Variants in TMEM74 observed in about 807,000 individuals in gnomAD.
The protein encoded by TMEM74 is transmembrane protein 74.
A neutral mutation model predicts 18.1 loss-of-function variants in TMEM74; 13 were observed. That is an observed-to-expected ratio of 0.72 (90% CI 0.47 to 1.14). TMEM74 has a LOEUF of 1.14. Ranked by LOEUF, TMEM74 falls within the 50% of genes most tolerant of loss-of-function variation. The probability of loss-of-function intolerance (pLI) is 0.00; values close to 1 mark genes in which losing one functional copy is unlikely to be tolerated. For synonymous variants in TMEM74, 159 were observed against 146.6 expected (o/e 1.08, Z -0.61); for missense variants, 372 against 375.9 (o/e 0.99, Z 0.09).
At chr8:108,696,955 G>A (rs1813286564) in intron 1 of TMEM74, among the ~76,000 whole-genome samples, 1 of 152,160 alleles carries the variant, frequency 6.6e-6, no homozygotes, top group South Asian at 2.1e-4. Context: ...GAAGATTTCT[G>A]CGGCTAGTCC....
At chr8:108,742,495 A>T (rs1421842241) in intron 1 of TMEM74, among the ~76,000 whole-genome samples, 1 of 152,220 alleles carries the variant, frequency 6.6e-6, no homozygotes, top group Non-Finnish European at 1.5e-5. Flanking sequence ...GCTACATTAG[A>T]TTCTGACAGC....
At chr8:108,746,493 A>G (rs182795311) in intron 1 of TMEM74, among the ~76,000 whole-genome samples, 1 of 152,224 alleles carries the variant, frequency 6.6e-6, no homozygotes, top group East Asian at 1.9e-4. Flanking sequence ...CCTCCTGGCA[A>G]TGGTATTTGT....
intron 1 of TMEM74, among the ~76,000 whole-genome samples, chr8:108,697,744 C>T (rs559654456): frequency 3.9e-5 from 6 of 152,160 alleles, no homozygotes; most frequent in Admixed American, 6.6e-5. Context: ...CTGGGTATGG[C>T]TCAGAAGTAA....
intron 1 of TMEM74, among the ~76,000 whole-genome samples, chr8:108,756,783 GA>G (rs1454627886): frequency 1.0e-5 from 1 of 97,620 alleles, no homozygotes; most frequent in Non-Finnish European, 2.0e-5. Flanking sequence ...GGGAGGGCAG[GA>G]GGGGAGGGAA....
chr8:108,677,795 A>G (rs1250115827), intron 1 of TMEM74, among the ~76,000 whole-genome samples: 8 of 152,198 alleles, frequency 5.3e-5, no homozygotes, highest in Non-Finnish European at 1.0e-4. Flanking sequence ...GAATATGGCT[A>G]GTTGCCTTTA....
intron 1 of TMEM74, among the ~76,000 whole-genome samples, chr8:108,759,851 A>G (rs1022254881): frequency 6.6e-6 from 1 of 152,102 alleles, no homozygotes; most frequent in Non-Finnish European, 1.5e-5. Flanking sequence ...AAACCACTAT[A>G]TATTTTGACC....
At position 108,780,333 on chromosome 8, in the gene TMEM74, A is replaced by G. The variant is rs879619233; in HGVS notation, c.*3848T>C. On this transcript the variant is annotated 3_prime_UTR_variant, in exon 2 of 2. Transcript: ENST00000297459. ...TCCAAGTAAAATTTTGCATACACCT[A>G]TCATTGCACACGTGAAAGATGAAGA... Among the ~76,000 whole-genome samples, 1 of 152,188 alleles carries G rather than the reference A, an allele frequency of 6.6e-6. No individual in the cohort carries two copies. The highest frequency in any genetic ancestry group is 1.5e-5 in the Non-Finnish European group (1 of 68,016).
chr8:108,720,562 A>G (rs1211213903), intron 1 of TMEM74, among the ~76,000 whole-genome samples: 1 of 152,322 alleles, frequency 6.6e-6, no homozygotes, highest in Non-Finnish European at 1.5e-5. Flanking sequence ...CTGCAAACAT[A>G]ATGTAAATTC....
At chr8:108,657,159 A>C (rs149639357) in intron 1 of TMEM74, among the ~76,000 whole-genome samples, 7 of 152,170 alleles carry the variant, frequency 4.6e-5, no homozygotes, top group African/African-American at 1.7e-4. Context: ...GGTTAGAGGG[A>C]GAATTCTTGG....
At chr8:108,689,502 T>G (rs909856659) in intron 1 of TMEM74, among the ~76,000 whole-genome samples, 1 of 152,210 alleles carries the variant, frequency 6.6e-6, no homozygotes, top group Non-Finnish European at 1.5e-5. Flanking sequence ...TGCATCTAAT[T>G]GACTTAATTG....
At chr8:108,719,180 T>A (rs1028463263) in intron 1 of TMEM74, among the ~76,000 whole-genome samples, 2 of 152,078 alleles carry the variant, frequency 1.3e-5, no homozygotes, top group Admixed American at 6.6e-5. Context: ...AATTGACATA[T>A]TCTGGTGGAG....
intron 1 of TMEM74, among the ~76,000 whole-genome samples, chr8:108,706,805 G>GTA (rs1563531252): frequency 1.3e-5 from 2 of 151,704 alleles, no homozygotes; most frequent in African/African-American, 4.8e-5. Context: ...GTGTGTGTGT[G>GTA]TGTGTATGCA....
chr8:108,643,399 C>T (rs779876541), intron 2 of TMEM74, among the ~76,000 whole-genome samples: 38 of 152,160 alleles, frequency 2.5e-4, no homozygotes, highest in Non-Finnish European at 7.3e-5. Context: ...CATTATTTCA[C>T]TTATAACTTG....
chr8:108,673,345 C>A (rs545995273), intron 1 of TMEM74, among the ~76,000 whole-genome samples: 2 of 152,148 alleles, frequency 1.3e-5, no homozygotes, highest in Non-Finnish European at 2.9e-5. Flanking sequence ...ATACTAGTTT[C>A]GGACTTTATT....
intron 2 of TMEM74, among the ~76,000 whole-genome samples, chr8:108,641,366 T>G (rs1812663345): frequency 6.6e-6 from 1 of 152,166 alleles, no homozygotes. Context: ...ATTCTCATTT[T>G]TCCTGTAAGC....
rs3083596 is a variant in TMEM74, at chr8:108,754,655, GTAGGTAGCTAGGTAGC to G, written n.119+32805_119+32820del. ...ATAGGATGGATAGGTAGGTAGGTAG[GTAGGTAGCTAGGTAGC>G]TAGGTAGCTAGGTAGCTAGGTAGGT... On this transcript the variant is annotated intron_variant and non_coding_transcript_variant, in intron 1 of 3. Transcript: ENST00000518838. Among the ~76,000 whole-genome samples the G allele has an allele frequency of 3.3e-4, 47 of 143,744 alleles. No individual in the cohort carries two copies. In the East Asian group the frequency reaches 4.6e-3, roughly 14 times the overall value. The allele number at this position is 143,744 out of a possible 152,430, so 94.3% of individuals were successfully genotyped here.
At chr8:108,649,968 A>G (rs1812757739) in intron 2 of TMEM74, among the ~76,000 whole-genome samples, 1 of 152,188 alleles carries the variant, frequency 6.6e-6, no homozygotes, top group African/African-American at 2.4e-5. Flanking sequence ...TCCCTACATT[A>G]TAAAACTTCC....
In TMEM74 at chr8:108,718,227, G is replaced by T. The variant is rs1178619872; in HGVS notation, n.120-62790C>A. 2.0e-5 allele frequency among the ~76,000 whole-genome samples: 3 copies of T among 149,632 alleles called. 1 individual carries two copies. Among genetic ancestry groups the T allele is most frequent in the African/African-American group, 5.0e-5 (2 of 39,902 alleles). ...CCCGCCTCGGCCTCCCAAAGTGCTG[G>T]GATTACAGGCGTGAGCCACCGCGCC... On this transcript the variant is annotated intron_variant and non_coding_transcript_variant, in intron 1 of 3. Transcript: ENST00000518838.
intron 1 of TMEM74, among the ~76,000 whole-genome samples, chr8:108,657,865 T>A (rs1157305721): frequency 0.039 from 1,724 of 44,234 alleles, 302 homozygotes; most frequent in Non-Finnish European, 0.043. Context: ...AAAAAATATA[T>A]ATATATATAT....
Sources: allele counts gnomAD v4.1 joint callset (sites outside exome capture counted in the v4.1 genomes callset), GRCh38; gene constraint gnomAD v4.1.1; transcripts MANE v1.5; gene names NCBI Gene and HGNC (gene_info 2026-07-23, HGNC 2026-07-21).